The following ELAVL2 variants were observed in gnomAD, a reference collection of about 807,000 sequenced individuals.
ELAVL2 encodes ELAV like RNA binding protein 2.
ELAVL2 carries 4 observed loss-of-function variants against 34.6 expected under a neutral mutation model. That is an observed-to-expected ratio of 0.12 (90% CI 0.06 to 0.26). The LOEUF (loss-of-function observed/expected upper bound fraction) is 0.26, where lower values mean the gene tolerates loss of function less well. ELAVL2 is among the 10% of genes least tolerant of loss of function. The probability of loss-of-function intolerance (pLI) is 1.00; values close to 1 mark genes in which losing one functional copy is unlikely to be tolerated. For synonymous variants in ELAVL2, 193 were observed against 154.8 expected, an observed-to-expected ratio of 1.25 and a Z score of -1.83; for missense variants, 432 against 442.8, an observed-to-expected ratio of 0.98 and a Z score of 0.22.
chr9:23,713,983 T>C (rs2041682609), intron 3 of ELAVL2, among the ~76,000 whole-genome samples: 1 of 152,220 alleles, frequency 6.6e-6, no homozygotes, highest in African/African-American at 2.4e-5. Flanking sequence ...TCACAGTACT[T>C]ACCTCATGGA....
intron 1 of ELAVL2, among the ~76,000 whole-genome samples, chr9:23,775,088 G>C (rs2057982744): frequency 6.6e-6 from 1 of 152,168 alleles, no homozygotes; most frequent in African/African-American, 2.4e-5. Flanking sequence ...CGTGGGATTT[G>C]AGTATCTTTT....
intron 1 of ELAVL2, among the ~76,000 whole-genome samples, chr9:23,785,614 C>G (rs1412669021): frequency 2.0e-5 from 3 of 152,218 alleles, no homozygotes; most frequent in Non-Finnish European, 4.4e-5. Flanking sequence ...TCAATCCTCA[C>G]TGTCTCACGT....
intron 3 of ELAVL2, among the ~76,000 whole-genome samples, chr9:23,716,283 G>T (rs1430366276): frequency 6.6e-6 from 1 of 152,052 alleles, no homozygotes. Context: ...CCTGCACGTT[G>T]TGCACATGTA....
chr9:23,725,255 C>T (rs1189136080), intron 3 of ELAVL2, among the ~76,000 whole-genome samples: 1 of 152,166 alleles, frequency 6.6e-6, no homozygotes, highest in Non-Finnish European at 1.5e-5. Flanking sequence ...CACATACATG[C>T]GCACCCAGAA....
chr9:23,774,235 A>AAAAAAAAAAAAAAAAAAAAAAG (rs59791462), intron 1 of ELAVL2, among the ~76,000 whole-genome samples: 1 of 132,316 alleles, frequency 7.6e-6, no homozygotes, highest in Admixed American at 7.7e-5. Context: ...AAAAAAAAAA[A>AAAAAAAAAAAAAAAAAAAAAAG]AAAGAAAGAA....
intron 3 of ELAVL2, among the ~76,000 whole-genome samples, chr9:23,713,639 C>A (rs72693539): frequency 6.6e-6 from 1 of 152,120 alleles, no homozygotes. Context: ...CAGAAATGAG[C>A]CTGCATTTAT....
upstream of ELAVL2, chr9:23,829,777 C>T (rs2065441713): frequency 6.6e-6 from 1 of 152,138 alleles, no homozygotes; most frequent in African/African-American, 2.4e-5. Context: ...CAGGAATTAG[C>T]ACCATGGACA....
At chr9:23,783,361 G>T in intron 1 of ELAVL2, 1 of 745,754 alleles carries the variant, frequency 1.3e-6, no homozygotes, top group Non-Finnish European at 1.6e-6. Flanking sequence ...CCACTTAAAT[G>T]GAGTAACTCC....
At chr9:23,770,838 G>C (rs1350621249) in intron 1 of ELAVL2, among the ~76,000 whole-genome samples, 1 of 152,180 alleles carries the variant, frequency 6.6e-6, no homozygotes, top group Non-Finnish European at 1.5e-5. Context: ...CTAACAGGAA[G>C]TAAAGACAGC....
At chr9:23,809,674 T>C (rs2062721443) in intron 1 of ELAVL2, among the ~76,000 whole-genome samples, 1 of 152,150 alleles carries the variant, frequency 6.6e-6, no homozygotes, top group African/African-American at 2.4e-5. Flanking sequence ...GTTCTGCTGT[T>C]CCAGTGACCT....
At chr9:23,699,829 T>G (rs2036553586) in intron 5 of ELAVL2, among the ~76,000 whole-genome samples, 1 of 48,744 alleles carries the variant, frequency 2.1e-5, no homozygotes, top group African/African-American at 8.3e-5. Context: ...TTTTTTTTTT[T>G]TTTTTTTTTT....
intron 1 of ELAVL2, among the ~76,000 whole-genome samples, chr9:23,791,771 C>G (rs1359391057): frequency 1.3e-5 from 2 of 152,156 alleles, no homozygotes; most frequent in East Asian, 3.9e-4. Context: ...TTGCCAGAAA[C>G]CAACACTACC....
At chr9:23,819,582 A>G (rs1245232787) in intron 1 of ELAVL2, among the ~76,000 whole-genome samples, 1 of 152,148 alleles carries the variant, frequency 6.6e-6, no homozygotes, top group African/African-American at 2.4e-5. Flanking sequence ...CTACACAATG[A>G]AGGAAACACC....
upstream of ELAVL2, chr9:23,830,211 T>TC (rs2065453981): frequency 6.6e-6 from 1 of 152,304 alleles, no homozygotes; most frequent in African/African-American, 2.4e-5. Flanking sequence ...CCTTGCTCCC[T>TC]CCCCCCGTTC....
chr9:23,714,022 A>G (rs1046597269), intron 3 of ELAVL2, among the ~76,000 whole-genome samples: 1 of 152,210 alleles, frequency 6.6e-6, no homozygotes, highest in East Asian at 1.9e-4. Flanking sequence ...TGCAACAATA[A>G]AACTATTAGC....
intron 1 of ELAVL2, among the ~76,000 whole-genome samples, chr9:23,797,799 A>C (rs958558515): frequency 6.6e-6 from 1 of 152,184 alleles, no homozygotes; most frequent in Non-Finnish European, 1.5e-5. Flanking sequence ...GTGGTGGCGC[A>C]TGCCTGTAAT....
At chr9:23,713,757 G>A (rs957935557) in intron 3 of ELAVL2, among the ~76,000 whole-genome samples, 1 of 152,146 alleles carries the variant, frequency 6.6e-6, no homozygotes. Flanking sequence ...CAAAGCAGAA[G>A]AGAATACACT....
the ELAVL2 span, among the ~76,000 whole-genome samples, chr9:23,844,446 A>G: frequency 1.3e-5 from 2 of 152,086 alleles, no homozygotes; most frequent in Non-Finnish European, 2.9e-5. Context: ...CATCTCTGCA[A>G]CAATATCAGA....
At chr9:23,828,983 A>C (rs535451941), upstream of ELAVL2, among the ~76,000 whole-genome samples, 1 of 152,372 alleles carries the variant, frequency 6.6e-6, no homozygotes, top group East Asian at 1.9e-4. Context: ...ATGTGCAAAC[A>C]TCTCACTTAA....
Sources: allele counts gnomAD v4.1 joint callset (sites outside exome capture counted in the v4.1 genomes callset), GRCh38; gene constraint gnomAD v4.1.1; transcripts MANE v1.5; gene names NCBI Gene and HGNC (gene_info 2026-07-23, HGNC 2026-07-21).